Variants in SGCZ observed in about 807,000 individuals in gnomAD.
SGCZ encodes the protein sarcoglycan zeta.
SGCZ carries 40 observed loss-of-function variants against 41.3 expected under a neutral mutation model. The observed-to-expected ratio is 0.97, with a 90% CI of 0.75 to 1.26. The LOEUF is 1.26. Among genes scored for constraint, SGCZ ranks in the 50% most tolerant of loss-of-function variants. The probability of loss-of-function intolerance (pLI) is 0.00; values close to 1 mark genes in which losing one functional copy is unlikely to be tolerated. For missense variants in SGCZ, 552 were observed against 369.8 expected, an observed-to-expected ratio of 1.49 and a Z score of -4.04; for synonymous variants, 206 against 137.5, an observed-to-expected ratio of 1.50 and a Z score of -3.49.
intron 1 of SGCZ, among the ~76,000 whole-genome samples, chr8:14,795,253 A>G (rs980386710): frequency 6.6e-6 from 1 of 152,172 alleles, no homozygotes; most frequent in Non-Finnish European, 1.5e-5. Flanking sequence ...ATTCACACTA[A>G]ATTTTATTTA....
At chr8:14,706,849 A>T (rs62495171) in intron 1 of SGCZ, among the ~76,000 whole-genome samples, 8 of 151,920 alleles carry the variant, frequency 5.3e-5, no homozygotes, top group South Asian at 2.1e-4. Flanking sequence ...GCTGACGGTT[A>T]GTTTGATTCA....
chr8:14,534,546 C>T (rs1049976077), intron 2 of SGCZ, among the ~76,000 whole-genome samples: 2 of 151,878 alleles, frequency 1.3e-5, no homozygotes. Flanking sequence ...GGGAAATTAA[C>T]CAAATAAGAA....
At chr8:14,943,447 T>C (rs1048720798) in intron 1 of SGCZ, among the ~76,000 whole-genome samples, 10 of 152,184 alleles carry the variant, frequency 6.6e-5, no homozygotes, top group African/African-American at 1.9e-4. Context: ...GGATCTATAC[T>C]GATGCCTGTG....
At chr8:14,734,211 C>T (rs145161255) in intron 1 of SGCZ, among the ~76,000 whole-genome samples, 10 of 152,110 alleles carry the variant, frequency 6.6e-5, no homozygotes, top group South Asian at 2.1e-4. Flanking sequence ...AAAAAGAATA[C>T]GACAAGATTA....
chr8:15,145,674 C>T (rs1411178737), intron 1 of SGCZ, among the ~76,000 whole-genome samples: 4 of 151,968 alleles, frequency 2.6e-5, no homozygotes, highest in African/African-American at 4.8e-5. Context: ...AGGCTGGTCT[C>T]AAACTCCTAG....
chr8:14,153,564 A>G (rs1012283995), intron 5 of SGCZ, among the ~76,000 whole-genome samples: 5 of 152,166 alleles, frequency 3.3e-5, no homozygotes, highest in African/African-American at 1.2e-4. Flanking sequence ...CCCAAACTTT[A>G]GGATTCTCTT....
intron 1 of SGCZ, among the ~76,000 whole-genome samples, chr8:14,596,538 T>C (rs1805418718): frequency 6.6e-6 from 1 of 152,186 alleles, no homozygotes; most frequent in Non-Finnish European, 1.5e-5. Context: ...AATAATAAAA[T>C]ATTTATTTTT....
intron 3 of SGCZ, among the ~76,000 whole-genome samples, chr8:14,270,296 C>T (rs1420756483): frequency 1.3e-5 from 2 of 152,044 alleles, no homozygotes; most frequent in Non-Finnish European, 2.9e-5. Flanking sequence ...CATGCCACTG[C>T]ACTCCTGCCT....
At chr8:14,428,835 G>C (rs1472556540) in intron 2 of SGCZ, among the ~76,000 whole-genome samples, 1 of 152,142 alleles carries the variant, frequency 6.6e-6, no homozygotes, top group South Asian at 2.1e-4. Context: ...GTAGATATAA[G>C]TTCACATTAA....
At chr8:14,471,482 G>C (rs879535273) in intron 2 of SGCZ, among the ~76,000 whole-genome samples, 1 of 151,922 alleles carries the variant, frequency 6.6e-6, no homozygotes, top group African/African-American at 2.4e-5. Context: ...CAATTATTCT[G>C]ATGACATATA....
At chr8:15,124,971 A>G (rs892286266) in intron 1 of SGCZ, among the ~76,000 whole-genome samples, 1 of 152,194 alleles carries the variant, frequency 6.6e-6, no homozygotes, top group Non-Finnish European at 1.5e-5. Context: ...ATATGGGTAT[A>G]AAAGTAGAGG....
chr8:14,631,395 C>G (rs1806648550), intron 1 of SGCZ, among the ~76,000 whole-genome samples: 1 of 152,066 alleles, frequency 6.6e-6, no homozygotes, highest in Non-Finnish European at 1.5e-5. Context: ...TTTGATTTCT[C>G]TTCCATGTTG....
chr8:14,347,109 C>T (rs1173312138), intron 2 of SGCZ, among the ~76,000 whole-genome samples: 1 of 152,064 alleles, frequency 6.6e-6, no homozygotes, highest in African/African-American at 2.4e-5. Context: ...TTCCCATTAA[C>T]ATTCTAGCTG....
chr8:14,126,272 A>G (rs745923327), intron 5 of SGCZ, among the ~76,000 whole-genome samples: 1 of 152,176 alleles, frequency 6.6e-6, no homozygotes, highest in Non-Finnish European at 1.5e-5. Flanking sequence ...AGGAACTTAA[A>G]CAAATTTATA....
intron 1 of SGCZ, among the ~76,000 whole-genome samples, chr8:14,591,544 G>A (rs1805240680): frequency 6.6e-6 from 1 of 152,042 alleles, no homozygotes; most frequent in Non-Finnish European, 1.5e-5. Context: ...AAAATAGTTT[G>A]TGATGTAAGC....
intron 1 of SGCZ, among the ~76,000 whole-genome samples, chr8:14,856,406 A>G (rs1803546671): frequency 6.6e-6 from 1 of 152,156 alleles, no homozygotes; most frequent in South Asian, 2.1e-4. Flanking sequence ...GTGTACTTAG[A>G]TGATAAACAC....
At chr8:14,567,219 G>A (rs1038461060) in intron 1 of SGCZ, among the ~76,000 whole-genome samples, 30 of 152,206 alleles carry the variant, frequency 2.0e-4, no homozygotes, top group African/African-American at 2.4e-4. Context: ...GCTGAGGAGT[G>A]CAGGCGCACG....
At chr8:14,950,705 G>C (rs1342618515) in intron 1 of SGCZ, among the ~76,000 whole-genome samples, 1 of 151,960 alleles carries the variant, frequency 6.6e-6, no homozygotes, top group African/African-American at 2.4e-5. Flanking sequence ...TGAGAAATGT[G>C]AATGTGGTGA....
chr8:14,683,073 C>T (rs1258237529), intron 1 of SGCZ, among the ~76,000 whole-genome samples: 1 of 151,920 alleles, frequency 6.6e-6, no homozygotes, highest in Non-Finnish European at 1.5e-5. Flanking sequence ...TTGTGAAAAC[C>T]CATGATGATA....
Sources: allele counts gnomAD v4.1 joint callset (sites outside exome capture counted in the v4.1 genomes callset), GRCh38; gene constraint gnomAD v4.1.1; transcripts MANE v1.5; gene names NCBI Gene and HGNC (gene_info 2026-07-23, HGNC 2026-07-21).